DAB1: variants seen among roughly 807,000 people sequenced by gnomAD.
DAB1 encodes DAB adaptor protein 1.
DAB1 carries 15 observed loss-of-function variants against 64.6 expected under a neutral mutation model. That is an observed-to-expected ratio of 0.23 (90% confidence interval 0.16 to 0.36). The LOEUF is 0.36. Ranked by LOEUF, DAB1 falls within the 10% of genes least tolerant of loss-of-function variation. The pLI is 1.00. For missense variants in DAB1, 596 were observed against 706.7 expected (o/e 0.84, Z 1.78); for synonymous variants, 235 against 251.9 (o/e 0.93, Z 0.64).
intron 7 of DAB1, among the ~76,000 whole-genome samples, chr1:57,517,953 A>C (rs1250776248): frequency 6.6e-6 from 1 of 152,172 alleles, no homozygotes; most frequent in Non-Finnish European, 1.5e-5. Flanking sequence ...TCCTCTCTCT[A>C]GTAGCACCCA....
chr1:58,038,960 TG>T (rs1213069908), intron 5 of DAB1, among the ~76,000 whole-genome samples: 1 of 152,174 alleles, frequency 6.6e-6, no homozygotes, highest in Non-Finnish European at 1.5e-5. Context: ...AATTTCTTAC[TG>T]GCCATCCCAC....
intron 2 of DAB1, among the ~76,000 whole-genome samples, chr1:57,251,683 A>AT: frequency 6.6e-6 from 1 of 152,286 alleles, no homozygotes; most frequent in African/African-American, 2.4e-5. Context: ...AAGAAAAAAA[A>AT]ATCTTCCCTT....
At chr1:57,071,231 C>T in intron 6 of DAB1, 170 bp from the exon 7 acceptor site, 1 of 672,600 alleles carries the variant, frequency 1.5e-6, no homozygotes, top group Non-Finnish European at 2.5e-6. Context: ...TAGAGCCACT[C>T]CCACCTCCAC....
At chr1:57,023,994 T>C (rs1646704641) in intron 10 of DAB1, among the ~76,000 whole-genome samples, 1 of 152,136 alleles carries the variant, frequency 6.6e-6, no homozygotes, top group African/African-American at 2.4e-5. Context: ...AAATTTTCCA[T>C]AATATTTGGC....
intron 4 of DAB1, among the ~76,000 whole-genome samples, chr1:57,105,425 C>G (rs562451579): frequency 4.8e-4 from 73 of 151,778 alleles, no homozygotes; most frequent in Admixed American, 1.3e-3. Flanking sequence ...TTTCCATCCC[C>G]CTGTTGTTTG....
At chr1:57,259,613 G>A (rs1014337789) in intron 2 of DAB1, among the ~76,000 whole-genome samples, 23 of 152,198 alleles carry the variant, frequency 1.5e-4, no homozygotes, top group African/African-American at 5.3e-4. Context: ...AGAGCAACGT[G>A]AGATGCTGCA....
At chr1:58,000,190 A>G (rs1191370728) in intron 5 of DAB1, among the ~76,000 whole-genome samples, 1 of 152,214 alleles carries the variant, frequency 6.6e-6, no homozygotes, top group East Asian at 1.9e-4. Context: ...GGAGCTACAT[A>G]GAATGGAAAT....
At chr1:57,785,935 G>A (rs1650316888) in intron 6 of DAB1, among the ~76,000 whole-genome samples, 2 of 152,204 alleles carry the variant, frequency 1.3e-5, no homozygotes, top group African/African-American at 4.8e-5. Context: ...TTCACAAAAC[G>A]AAGAGTCAAT....
At chr1:57,955,557 G>A (rs1392540239) in intron 5 of DAB1, among the ~76,000 whole-genome samples, 1 of 152,086 alleles carries the variant, frequency 6.6e-6, no homozygotes, top group African/African-American at 2.4e-5. Flanking sequence ...TTTCAGTCAC[G>A]ATGCACAAGC....
intron 7 of DAB1, among the ~76,000 whole-genome samples, chr1:57,489,197 G>C (rs1454942163): frequency 6.6e-6 from 1 of 152,184 alleles, no homozygotes; most frequent in African/African-American, 2.4e-5. Context: ...AAGGTATCAA[G>C]CTTTCAGATC....
At chr1:58,221,883 G>A (rs993427169) in intron 4 of DAB1, among the ~76,000 whole-genome samples, 1 of 152,206 alleles carries the variant, frequency 6.6e-6, no homozygotes, top group African/African-American at 2.4e-5. Context: ...TTCCTGTTCT[G>A]TAGGTCTGGC....
Position 57,069,322 on chromosome 1 carries a change from T to C in DAB1, c.663+38A>G, listed in dbSNP as rs767086130. ...ATCAGTACATTTATGCATGTACTAG[T>C]AGTGGTGCAATGGTAAGAGAGGCAA... On this transcript the variant is annotated intron_variant, in intron 8 of 14. Coordinates refer to ENST00000371236, the MANE Select transcript of DAB1 (RefSeq NM_001365792.1). 1.7e-5 allele frequency: 26 copies of C among 1,488,936 alleles called. No homozygotes were observed. In the South Asian group the frequency reaches 1.8e-4, roughly 10 times the overall value. 92.2% of individuals were successfully genotyped at this position (1,488,936 alleles called of 1,614,324 possible). A position where few individuals can be genotyped will look rare whatever the true frequency, so the allele number is the denominator to read the frequency against.
intron 4 of DAB1, among the ~76,000 whole-genome samples, chr1:58,214,219 T>G (rs1658722142): frequency 6.6e-6 from 1 of 152,202 alleles, no homozygotes; most frequent in Non-Finnish European, 1.5e-5. Flanking sequence ...TTATTTGGAC[T>G]ATTCTGTCTC....
intron 5 of DAB1, among the ~76,000 whole-genome samples, chr1:58,065,895 G>A (rs1427401611): frequency 6.6e-6 from 1 of 152,210 alleles, no homozygotes; most frequent in Non-Finnish European, 1.5e-5. Flanking sequence ...TTGGATGAAG[G>A]CTATCAGAGG....
intron 1 of DAB1, among the ~76,000 whole-genome samples, chr1:57,393,049 A>G (rs1254481683): frequency 6.6e-6 from 1 of 152,196 alleles, no homozygotes; most frequent in East Asian, 1.9e-4. Flanking sequence ...AAATGAAAGT[A>G]AACATTGTAT....
At chr1:57,637,124 A>G (rs1646066757) in intron 7 of DAB1, among the ~76,000 whole-genome samples, 1 of 152,198 alleles carries the variant, frequency 6.6e-6, no homozygotes, top group South Asian at 2.1e-4. Flanking sequence ...AAATGGGATA[A>G]GATGAGATAC....
intron 7 of DAB1, among the ~76,000 whole-genome samples, chr1:57,489,873 G>A (rs754895406): frequency 6.6e-6 from 1 of 152,172 alleles, no homozygotes; most frequent in East Asian, 1.9e-4. Context: ...ATGTCTGAAT[G>A]TTTATGTCCC....
chr1:57,600,361 C>T (rs928781187), intron 7 of DAB1, among the ~76,000 whole-genome samples: 1 of 152,164 alleles, frequency 6.6e-6, no homozygotes, highest in Non-Finnish European at 1.5e-5. Flanking sequence ...CACTCCAGGG[C>T]GAGCAAGACA....
At chr1:57,401,407 G>A (rs1683231747) in intron 1 of DAB1, among the ~76,000 whole-genome samples, 1 of 152,142 alleles carries the variant, frequency 6.6e-6, no homozygotes, top group South Asian at 2.1e-4. Context: ...TATATGAAAA[G>A]ATACCTGCCC....
Sources: allele counts gnomAD v4.1 joint callset (sites outside exome capture counted in the v4.1 genomes callset), GRCh38; gene constraint gnomAD v4.1.1; transcripts MANE v1.5; gene names NCBI Gene and HGNC (gene_info 2026-07-23, HGNC 2026-07-21).